The following COL2A1 variants were observed in gnomAD, a reference collection of about 807,000 sequenced individuals.
COL2A1 encodes collagen type II alpha 1 chain, also known as collagen alpha-1(II) chain.
In COL2A1, 28 loss-of-function variants were observed where a neutral mutation model predicts 204.5. The ratio of observed to expected loss-of-function variants is 0.14; its 90% confidence interval spans 0.10 to 0.19. The LOEUF is 0.19. COL2A1 is among the 10% of genes least tolerant of loss of function. COL2A1 has a pLI of 1.00. For synonymous variants in COL2A1, 708 were observed against 718.7 expected (o/e 0.99, Z 0.24); for missense variants, 1,388 against 2,027.5 (o/e 0.68, Z 6.06).
chr12:47,993,740 C>T (rs1939814668), intron 14 of COL2A1, 69 bp downstream of exon 14: 1 of 1,556,888 alleles, frequency 6.4e-7, no homozygotes, highest in Non-Finnish European at 8.9e-7. Flanking sequence ...ACAGTGTCTC[C>T]CTGGCTAGGA....
At chr12:47,983,240 G>T (rs1285442045) in intron 31 of COL2A1, 103 bp from the exon 32 acceptor site, 46 of 1,497,262 alleles carry the variant, frequency 3.1e-5, no homozygotes, top group Non-Finnish European at 4.2e-5. Flanking sequence ...ATGGGGGATT[G>T]TGTCATCTGT....
At chr12:47,983,560 G>A (rs1939211766) in intron 30 of COL2A1, 122 bp from the exon 31 acceptor site, 22 of 1,434,882 alleles carry the variant, frequency 1.5e-5, no homozygotes, top group Non-Finnish European at 2.0e-5. Context: ...AGGGGTGCAG[G>A]GAAGGCTCGA....
chr12:47,983,581 C>G (rs1939213625), intron 30 of COL2A1, 102 bp downstream of exon 30: 7 of 1,458,912 alleles, frequency 4.8e-6, no homozygotes, highest in Non-Finnish European at 6.6e-6. Context: ...TGCCTGGCAC[C>G]CTGCAAGAGG....
intron 22 of COL2A1, 123 bp from the exon 23 acceptor site, chr12:47,986,566 C>T (rs1475822881): frequency 1.4e-5 from 10 of 734,872 alleles, no homozygotes; most frequent in South Asian, 6.5e-5. Flanking sequence ...GGCTTGAGGA[C>T]GAGAGGCCAT....
At chr12:47,985,466 T>G (rs1939342341) in intron 26 of COL2A1, 68 bp downstream of exon 26, 2 of 1,531,496 alleles carry the variant, frequency 1.3e-6, no homozygotes, top group Admixed American at 1.7e-5. Context: ...AAACTCCATC[T>G]CTCTTTTCCC....
At chr12:48,003,556 A>AC (rs1940334963) in intron 1 of COL2A1, among the ~76,000 whole-genome samples, 1 of 152,014 alleles carries the variant, frequency 6.6e-6, no homozygotes, top group Non-Finnish European at 1.5e-5. Context: ...GCGCAGGCGG[A>AC]CGGAGGGAAG....
At position 47,979,872 on chromosome 12, in the gene COL2A1, G is replaced by A. The variant is rs1592205416; in HGVS notation, c.2679+137C>T. 3 of 792,162 alleles carry A rather than the reference G, an allele frequency of 3.8e-6. No homozygotes were observed. The South Asian group carries it at 5.4e-5, about 14-fold the overall frequency. 49.1% of individuals were successfully genotyped at this position (792,162 alleles called of 1,614,324 possible). Reference sequence around the variant, plus strand: ...CAGGCGCCCTCTCTCCCACCTGGCTGTGGGTGGGCTTAGGCTGGGGACCAA... The same window carrying A: ...CAGGCGCCCTCTCTCCCACCTGGCTATGGGTGGGCTTAGGCTGGGGACCAA... On this transcript the variant is annotated intron_variant, in intron 40 of 53. Coordinates refer to ENST00000380518, the MANE Select transcript of COL2A1 (RefSeq NM_001844.5).
chr12:47,981,956 A>T, intron 35 of COL2A1, 127 bp from the exon 36 acceptor site: 2 of 1,305,756 alleles, frequency 1.5e-6, no homozygotes, highest in Non-Finnish European at 2.2e-6. Context: ...CTCTGGCCCC[A>T]TTTTAACAGA....
rs1367822001 is a variant in COL2A1, at chr12:47,982,590, C to G, written c.2213G>C (p.Gly738Ala). The change falls in exon 34 of 54, where the codon GGC becomes GCC. Residue 738 changes from glycine (G) to alanine (A), a missense_variant. Gly to Ala is a moderately conservative substitution (Grantham distance 60). This residue lies in a region of COL2A1 where 884 missense variants were observed against 1,415.8 expected (regional missense o/e 0.62). Transcript: ENST00000380518. Reference protein sequence around the residue: ...DGPKGASGPAGPPGAQGPPGL... With the variant: ...DGPKGASGPAAPPGAQGPPGL... ...TGGAGGGCCCTGAGCCCCAGGGGGG[C>G]CTGCTGGGCCAGATGCACCCTGGGG... 1 of 1,613,058 alleles carries G rather than the reference C, an allele frequency of 6.2e-7. No homozygotes were observed. The highest frequency in any genetic ancestry group is 2.2e-5 in the East Asian group (1 of 44,868).
Position 47,981,006 on chromosome 12 carries a change from G to A in COL2A1, c.2464-38C>T, listed in dbSNP as rs376814678. The A allele has an allele frequency of 1.4e-4, 216 of 1,540,328 alleles. No individual in the cohort carries two copies. In the South Asian group the frequency reaches 1.5e-3, roughly 11 times the overall value. ...GGGGCATGGCGAGAGGTCAGGCCCCGCTGCCTGACCTGCTTCTGCTCCCCT... is the reference window on the plus strand; with the variant it reads ...GGGGCATGGCGAGAGGTCAGGCCCCACTGCCTGACCTGCTTCTGCTCCCCT... On this transcript the variant is annotated intron_variant, in intron 37 of 53. Transcript: ENST00000380518.
chr12:47,985,214 C>T (rs138109524), intron 26 of COL2A1, 121 bp from the exon 27 acceptor site: 35 of 807,860 alleles, frequency 4.3e-5, no homozygotes, highest in Non-Finnish European at 6.3e-5. Flanking sequence ...TGCTCAGCAT[C>T]TAGGATTGAC....
chr12:47,976,478 AG>A lies in COL2A1; in HGVS notation c.3489+35del. On this transcript the variant is annotated intron_variant, in intron 49 of 53. Transcript: ENST00000380518. The surrounding 1 kb of genome is among the most constrained non-coding windows in gnomAD (Gnocchi z 4.3). Reference sequence around the variant, plus strand: ...GGGAACACAGGCCCACACTCTCTGAAGGGCCCCCTCCATCTTCCAACTCCAT... The same window carrying A: ...GGGAACACAGGCCCACACTCTCTGAAGGCCCCCTCCATCTTCCAACTCCAT... 1 of 1,607,558 alleles carries A rather than the reference AG, an allele frequency of 6.2e-7. No individual in the cohort carries two copies. Among genetic ancestry groups the A allele is most frequent in the Non-Finnish European group, 8.5e-7 (1 of 1,174,102 alleles).
chr12:48,001,147 A>G (rs1940212637), intron 1 of COL2A1: 1 of 152,304 alleles, frequency 6.6e-6, no homozygotes, highest in East Asian at 1.9e-4. Flanking sequence ...CAAGGGCTGT[A>G]GAGCCCGCAC....
At chr12:47,975,233 T>C in intron 51 of COL2A1, 84 bp downstream of exon 51, 5 of 1,537,890 alleles carry the variant, frequency 3.3e-6, no homozygotes, top group Non-Finnish European at 4.4e-6. Flanking sequence ...TGCCCTGTAC[T>C]AGGGGGCATC....
At position 47,976,782 on chromosome 12, in the gene COL2A1, G is replaced by T. The variant is rs757706038; in HGVS notation, c.3435+30C>A. ...TGGGCTCTGTGTGGCAGGAGGCCTCGGGAAGTCCCACGCAGGCAGTGACAC... is the reference window on the plus strand; with the variant it reads ...TGGGCTCTGTGTGGCAGGAGGCCTCTGGAAGTCCCACGCAGGCAGTGACAC... On this transcript the variant is annotated intron_variant, in intron 48 of 53. Transcript: ENST00000380518. The surrounding 1 kb of genome is among the most constrained non-coding windows in gnomAD (Gnocchi z 4.3). The T allele has an allele frequency of 1.9e-6, 3 of 1,589,086 alleles. No individual in the cohort carries two copies. The African/African-American group carries it at 4.0e-5, about 21-fold the overall frequency.
upstream of COL2A1, chr12:48,005,289 C>G (rs1449468345): frequency 6.5e-6 from 1 of 153,268 alleles, no homozygotes; most frequent in Non-Finnish European, 1.5e-5. Flanking sequence ...CCACAGAGGA[C>G]GGAGGGAGCC....
At chr12:47,977,753 G>C in intron 44 of COL2A1, 100 bp from the exon 45 acceptor site, 1 of 1,330,622 alleles carries the variant, frequency 7.5e-7, no homozygotes, top group Admixed American at 1.9e-5. Flanking sequence ...CTCCTCTTCT[G>C]CCCAACTCAC....
In COL2A1 at chr12:47,986,368, C is replaced by A; in HGVS notation, c.1495G>T (p.Gly499Cys). ...CCAGGGGGACCGATGGGCCCAACGC[C>A]ACCAGGCTCTCCACGGGCACCTCTC... ...GKRGARGEPG[G>C]VGPIGPPGER... The change falls in exon 23 of 54, where the codon GGC (glycine) becomes TGC (cysteine). Residue 499 changes from glycine to cysteine, a missense_variant. By Grantham distance (159) the Gly-to-Cys change is radical (BLOSUM62 -3). This residue lies in a region of COL2A1 where 884 missense variants were observed against 1,415.8 expected (regional missense o/e 0.62). Transcript: ENST00000380518. 1 of 1,570,024 alleles carries A rather than the reference C, an allele frequency of 6.4e-7. No individual in the cohort carries two copies.
rs767176683 is a variant in COL2A1 at position 47,987,632 on chromosome 12, G to A, written c.1200C>T (p.Ser400=). 1 of 1,613,018 alleles carries A rather than the reference G, an allele frequency of 6.2e-7. No individual in the cohort carries two copies. The highest frequency in any genetic ancestry group is 2.2e-5 in the East Asian group (1 of 44,854). ...GPRGEPGTPG[S]PGPAGASGNP... The stretch of plus-strand genomic sequence containing the variant: ...TTACGGAGGCACCAGCAGGCCCAGG[G>A]GACCCAGGAGTACCAGGTTCACCGC... The change falls in exon 19 of 54, where the codon TCC becomes TCT. Residue 400 remains serine, a synonymous_variant. Coordinates refer to ENST00000380518, the MANE Select transcript of COL2A1 (RefSeq NM_001844.5). The surrounding 1 kb of genome is among the most constrained non-coding windows in gnomAD (Gnocchi z 4.1).
Sources: gnomAD v4.1 joint callset for allele counts (sites outside exome capture counted in the v4.1 genomes callset) on GRCh38, gnomAD v4.1.1 for gene constraint, gnomAD v4.1.1 regional missense constraint, Gnocchi (gnomAD v3.1) non-coding constraint, MANE v1.5 for transcripts, NCBI Gene and HGNC (gene_info 2026-07-23, HGNC 2026-07-21) for gene names.